ADGRL2: variants seen among roughly 807,000 people sequenced by gnomAD.
ADGRL2 encodes the protein adhesion G protein-coupled receptor L2, also known as calcium-independent alpha-latrotoxin receptor 2.
ADGRL2 carries 44 observed loss-of-function variants against 157.4 expected under a neutral mutation model. The ratio of observed to expected loss-of-function variants is 0.28; its 90% CI spans 0.22 to 0.36. ADGRL2 has a LOEUF of 0.36. Ranked by LOEUF, ADGRL2 falls within the 10% of genes least tolerant of loss-of-function variation. The probability of loss-of-function intolerance (pLI) is 1.00; values close to 1 mark genes in which losing one functional copy is unlikely to be tolerated. For missense variants in ADGRL2, 1,510 were observed against 1,768.9 expected (o/e 0.85, Z 2.63); for synonymous variants, 585 against 624.7 (o/e 0.94, Z 0.95).
At chr1:81,957,942 G>A (rs1654104892) in intron 11 of ADGRL2, among the ~76,000 whole-genome samples, 1 of 151,996 alleles carries the variant, frequency 6.6e-6, no homozygotes, top group East Asian at 1.9e-4. Context: ...GAGGCAGGCG[G>A]ATGAGGTCAG....
At chr1:81,587,822 A>G (rs2081057263) in intron 3 of ADGRL2, among the ~76,000 whole-genome samples, 1 of 152,188 alleles carries the variant, frequency 6.6e-6, no homozygotes, top group South Asian at 2.1e-4. Context: ...GTGAAAATAA[A>G]TTAAGGAGGG....
At chr1:81,825,656 C>CTA (rs2091411355) in intron 1 of ADGRL2, among the ~76,000 whole-genome samples, 1 of 35,552 alleles carries the variant, frequency 2.8e-5, no homozygotes, top group Non-Finnish European at 6.7e-5. Flanking sequence ...GACCCTGTCT[C>CTA]CAAAAAAAAA....
chr1:81,421,866 C>T (rs1380888871), intron 1 of ADGRL2, among the ~76,000 whole-genome samples: 1 of 152,086 alleles, frequency 6.6e-6, no homozygotes, highest in Non-Finnish European at 1.5e-5. Context: ...TATGTTCTAC[C>T]AATCATTTTT....
chr1:81,934,855 TA>T (rs1397262235), intron 3 of ADGRL2, among the ~76,000 whole-genome samples: 1 of 151,926 alleles, frequency 6.6e-6, no homozygotes, highest in Non-Finnish European at 1.5e-5. Flanking sequence ...AAGGGTGTGA[TA>T]AAAGGAAGAT....
At chr1:81,555,448 T>C (rs2080251596) in intron 2 of ADGRL2, among the ~76,000 whole-genome samples, 1 of 152,060 alleles carries the variant, frequency 6.6e-6, no homozygotes, top group South Asian at 2.1e-4. Flanking sequence ...TTTATATTTT[T>C]AGTAGAGATG....
In ADGRL2 at chr1:81,556,859, C is replaced by T. The variant is rs557076082; in HGVS notation, c.-247-24017C>T. ...TTGGGAGGCCGAGGCGGGTGGATCA[C>T]GAGGTCAGGAGTTTGAGACCAGCCT... On this transcript the variant is annotated intron_variant, in intron 2 of 24. Coordinates refer to the ADGRL2 transcript ENST00000370721. Among the ~76,000 whole-genome samples the T allele has an allele frequency of 4.9e-4, 74 of 151,730 alleles. 1 individual carries two copies. The highest frequency in any genetic ancestry group is 1.6e-3 in the African/African-American group (67 of 41,412).
chr1:81,345,358 A>G (rs1280773728), intron 1 of ADGRL2, among the ~76,000 whole-genome samples: 1 of 152,176 alleles, frequency 6.6e-6, no homozygotes, highest in South Asian at 2.1e-4. Context: ...ATTGCATCTC[A>G]AGAACAGCTA....
intron 1 of ADGRL2, among the ~76,000 whole-genome samples, chr1:81,431,594 G>A (rs990638709): frequency 9.2e-5 from 14 of 152,192 alleles, no homozygotes; most frequent in African/African-American, 2.2e-4. Flanking sequence ...ACCACATTCC[G>A]CTGTAAACAC....
rs904359045 is a variant in ADGRL2 at position 81,753,546 on chromosome 1, T to C, written c.-142-8265T>C. Among the ~76,000 whole-genome samples the C allele has an allele frequency of 4.6e-5, 7 of 152,180 alleles. 2 individuals are homozygous for C. Among genetic ancestry groups the C allele is most frequent in the Admixed American group, 4.6e-4 (7 of 15,278 alleles). ...AGTAAATTTATGGAGTAGGGTTGAA[T>C]ATACTATTAAAGATTTATTTGCCCA... On this transcript the variant is annotated intron_variant, in intron 1 of 20. Transcript: ENST00000359929.
chr1:81,499,895 C>T (rs2078808790), intron 2 of ADGRL2, among the ~76,000 whole-genome samples: 1 of 151,904 alleles, frequency 6.6e-6, no homozygotes, highest in Non-Finnish European at 1.5e-5. Flanking sequence ...TTTATATGTA[C>T]ATATGTGTAT....
chr1:81,552,235 A>T (rs924067116), intron 2 of ADGRL2, among the ~76,000 whole-genome samples: 3 of 152,066 alleles, frequency 2.0e-5, no homozygotes, highest in Admixed American at 6.6e-5. Flanking sequence ...CTGCCAAGTT[A>T]CTTTTTTATT....
At chr1:81,557,482 G>GAAAGAAAGAAGAAAGAAAGAAAGAAAGA (rs370696204) in intron 2 of ADGRL2, 221 of 120,008 alleles carry the variant, frequency 1.8e-3, no homozygotes, top group East Asian at 4.5e-3. Context: ...AAGAAAGAAA[G>GAAAGAAAGAAGAAAGAAAGAAAGAAAGA]AAGAAAGAAA....
intron 2 of ADGRL2, among the ~76,000 whole-genome samples, chr1:81,897,930 A>G (rs1196464590): frequency 1.3e-5 from 2 of 152,290 alleles, no homozygotes; most frequent in South Asian, 2.1e-4. Flanking sequence ...AAATATTTCC[A>G]AAATAATCAA....
chr1:81,703,425 T>C (rs912706738), intron 1 of ADGRL2, among the ~76,000 whole-genome samples: 4 of 151,972 alleles, frequency 2.6e-5, no homozygotes, highest in African/African-American at 9.7e-5. Context: ...TTGTTTTCTG[T>C]TGTTGTTGTT....
At chr1:81,706,056 G>A (rs1486837212) in intron 1 of ADGRL2, among the ~76,000 whole-genome samples, 1 of 151,968 alleles carries the variant, frequency 6.6e-6, no homozygotes, top group Non-Finnish European at 1.5e-5. Flanking sequence ...AAAATTAGCT[G>A]GGCGTGGTCA....
At chr1:81,789,599 G>A (rs556986197) in intron 2 of ADGRL2, among the ~76,000 whole-genome samples, 31 of 150,922 alleles carry the variant, frequency 2.1e-4, no homozygotes, top group African/African-American at 5.1e-4. Context: ...GGTGGTGGGC[G>A]CCTGTAATCC....
At chr1:81,973,630 G>T (rs1659387550) in intron 17 of ADGRL2, among the ~76,000 whole-genome samples, 1 of 152,148 alleles carries the variant, frequency 6.6e-6, no homozygotes, top group South Asian at 2.1e-4. Context: ...AAGGGTAAAG[G>T]ACATTTTATT....
At chr1:81,743,658 A>T (rs1323767970) in intron 1 of ADGRL2, among the ~76,000 whole-genome samples, 1 of 152,074 alleles carries the variant, frequency 6.6e-6, no homozygotes, top group Non-Finnish European at 1.5e-5. Context: ...CTATTAACCT[A>T]CTGTGACTTA....
intron 1 of ADGRL2, among the ~76,000 whole-genome samples, chr1:81,340,583 A>T (rs749472413): frequency 3.3e-5 from 5 of 152,182 alleles, no homozygotes; most frequent in Non-Finnish European, 7.3e-5. Flanking sequence ...ACCATCTCTG[A>T]CACTCATTTA....
Sources: gnomAD v4.1 joint callset for allele counts (sites outside exome capture counted in the v4.1 genomes callset) on GRCh38, gnomAD v4.1.1 for gene constraint, MANE v1.5 for transcripts, NCBI Gene and HGNC (gene_info 2026-07-23, HGNC 2026-07-21) for gene names.